MYO9B: variants seen among roughly 807,000 people sequenced by gnomAD.
MYO9B encodes the protein unconventional myosin-IXb.
A neutral mutation model predicts 229.5 loss-of-function variants in MYO9B; 71 were observed. The observed-to-expected ratio is 0.31, with a 90% CI of 0.26 to 0.38. The LOEUF (loss-of-function observed/expected upper bound fraction) is 0.38. MYO9B is among the 10% of genes least tolerant of loss of function. The probability of loss-of-function intolerance (pLI) is 1.00; values close to 1 mark genes in which losing one functional copy is unlikely to be tolerated. For synonymous variants in MYO9B, 1,185 were observed against 1,235.8 expected, an observed-to-expected ratio of 0.96 and a Z score of 0.86; for missense variants, 2,255 against 2,920.5, an observed-to-expected ratio of 0.77 and a Z score of 5.25.
chr19:17,203,023 C>A (rs1359992020), intron 29 of MYO9B, 124 bp from the exon 30 acceptor site: 1 of 1,369,616 alleles, frequency 7.3e-7, no homozygotes, highest in African/African-American at 1.4e-5. Flanking sequence ...GTTTTTCCCC[C>A]GGCATATACG....
At chr19:17,090,758 G>T (rs1011500164) in intron 1 of MYO9B, among the ~76,000 whole-genome samples, 2 of 152,118 alleles carry the variant, frequency 1.3e-5, no homozygotes, top group African/African-American at 2.4e-5. Context: ...AGACAATTCG[G>T]TTTAAGGAAG....
intron 2 of MYO9B, among the ~76,000 whole-genome samples, chr19:17,132,879 C>T (rs531635778): frequency 1.4e-5 from 2 of 148,092 alleles, no homozygotes; most frequent in Non-Finnish European, 3.0e-5. Context: ...GACGGAGTCT[C>T]GCTCTGTCAC....
At chr19:17,098,379 A>G (rs971301208) in intron 1 of MYO9B, among the ~76,000 whole-genome samples, 2 of 151,282 alleles carry the variant, frequency 1.3e-5, no homozygotes, top group African/African-American at 2.4e-5. Context: ...AGATATTCCT[A>G]CTCCCCTAAT....
chr19:17,152,910 A>C, intron 4 of MYO9B: 1 of 575,734 alleles, frequency 1.7e-6, no homozygotes, highest in Non-Finnish European at 3.1e-6. Context: ...ATACCTCCCA[A>C]GCCACCTTTG....
chr19:17,098,072 C>A (rs1161494157), intron 1 of MYO9B, among the ~76,000 whole-genome samples: 1 of 144,280 alleles, frequency 6.9e-6, no homozygotes, highest in African/African-American at 2.6e-5. Context: ...TTTTTTTCTT[C>A]ACGATGGAGT....
chr19:17,189,502 A>T (rs1453723725), intron 19 of MYO9B, among the ~76,000 whole-genome samples: 1 of 151,798 alleles, frequency 6.6e-6, no homozygotes, highest in African/African-American at 2.4e-5. Context: ...GCGTGCTGGC[A>T]TGCAATGTAC....
intron 3 of MYO9B, among the ~76,000 whole-genome samples, chr19:17,151,291 A>G (rs2072474468): frequency 3.9e-5 from 1 of 25,334 alleles, no homozygotes. Context: ...AAAAAAAAAG[A>G]AAGAAAGAAA....
In MYO9B at chr19:17,153,165, G is replaced by GGTTTGTTT. The variant is rs71180367; in HGVS notation, c.998+472_998+479dup. Among the ~76,000 whole-genome samples, 74 of 149,086 alleles carry GGTTTGTTT rather than the reference G, an allele frequency of 5.0e-4. No homozygotes were observed. In the East Asian group the frequency reaches 6.1e-3, roughly 12 times the overall value. ...TTGGTTGGTTGGTTGGGGTTTTTTT[G>GGTTTGTTT]GTTTGTTTGTTTGTTTGTTTTTGTT... is the stretch of plus-strand genomic sequence containing the variant. On this transcript the variant is annotated intron_variant, in intron 4 of 39. Transcript: ENST00000682292.
chr19:17,115,350 G>C (rs1311170292), intron 2 of MYO9B, among the ~76,000 whole-genome samples: 1 of 151,928 alleles, frequency 6.6e-6, no homozygotes, highest in Admixed American at 6.6e-5. Context: ...GGCCCACAAA[G>C]CTGAAAATAT....
chr19:17,135,504 G>A (rs1203001250), intron 2 of MYO9B, among the ~76,000 whole-genome samples: 9 of 152,164 alleles, frequency 5.9e-5, no homozygotes, highest in South Asian at 4.1e-4. Context: ...GCGAGCCCCC[G>A]GCCAGCCCAG....
chr19:17,121,247 GT>G (rs2057961347), intron 2 of MYO9B, among the ~76,000 whole-genome samples: 1 of 152,006 alleles, frequency 6.6e-6, no homozygotes, highest in Non-Finnish European at 1.5e-5. Flanking sequence ...CTGGCCTGTT[GT>G]TTTTAACACA....
At chr19:17,173,111 C>T (rs2072744443) in intron 13 of MYO9B, 148 bp downstream of exon 13, 1 of 1,024,436 alleles carries the variant, frequency 9.8e-7, no homozygotes. Flanking sequence ...GTTCCTGTCA[C>T]CCTGAACAGA....
intron 2 of MYO9B, among the ~76,000 whole-genome samples, chr19:17,121,722 A>G (rs933202834): frequency 6.6e-6 from 1 of 152,200 alleles, no homozygotes; most frequent in African/African-American, 2.4e-5. Flanking sequence ...GCGGTGGCTC[A>G]CGCCGATAAT....
intron 2 of MYO9B, among the ~76,000 whole-genome samples, chr19:17,109,287 G>C (rs1017816867): frequency 6.6e-6 from 1 of 150,502 alleles, no homozygotes; most frequent in Non-Finnish European, 1.5e-5. Flanking sequence ...GAATGGTCTC[G>C]ATCTCCTGAC....
intron 2 of MYO9B, among the ~76,000 whole-genome samples, chr19:17,144,859 A>T (rs1314649707): frequency 1.3e-5 from 2 of 149,924 alleles, no homozygotes; most frequent in Non-Finnish European, 3.0e-5. Context: ...AATCCCAGCC[A>T]CTCGGGAGGC....
intron 3 of MYO9B, 79 bp from the exon 4 acceptor site, chr19:17,152,565 A>G (rs538238945): frequency 4.6e-4 from 480 of 1,045,404 alleles, no homozygotes; most frequent in South Asian, 1.3e-3. Context: ...TCCCATCTCA[A>G]AAAAAAAAAA....
chr19:17,080,999 A>G (rs1459949887), intron 1 of MYO9B, among the ~76,000 whole-genome samples: 1 of 152,116 alleles, frequency 6.6e-6, no homozygotes, highest in Non-Finnish European at 1.5e-5. Flanking sequence ...AGAAAAGGAC[A>G]AATTCAAATT....
At position 17,210,800 on chromosome 19, in the gene MYO9B, G is replaced by A. The variant is rs373618149; in HGVS notation, c.5882G>A (p.Arg1961Gln). The A allele has an allele frequency of 1.1e-5, 18 of 1,594,892 alleles. No homozygotes were observed. Among genetic ancestry groups the A allele is most frequent in the African/African-American group, 8.1e-5 (6 of 74,456 alleles). Residue 1961 changes from arginine (R) to glutamine (Q), a missense_variant, in exon 38 of 40, where the codon CGG becomes CAG. Physicochemically the swap from Arg to Gln is conservative, Grantham distance 43. Coordinates refer to ENST00000682292, the MANE Select transcript of MYO9B (RefSeq NM_004145.4). ...EEEAAGGDED[R>Q]EKEILIERIQ... ...GAGGCAGCCGGCGGCGATGAGGACCGGGAAAAGGAGATTCTCATTGAACGG... is the reference window on the plus strand; with the variant it reads ...GAGGCAGCCGGCGGCGATGAGGACCAGGAAAAGGAGATTCTCATTGAACGG...
chr19:17,145,356 C>G (rs759966915), intron 2 of MYO9B, 41 bp from the exon 3 acceptor site: 1 of 1,537,366 alleles, frequency 6.5e-7, no homozygotes, highest in African/African-American at 1.4e-5. Context: ...AAAAGAAATT[C>G]CACCCTCCTG....
Sources: allele counts gnomAD v4.1 joint callset (sites outside exome capture counted in the v4.1 genomes callset), GRCh38; gene constraint gnomAD v4.1.1; transcripts MANE v1.5; gene names NCBI Gene and HGNC (gene_info 2026-07-23, HGNC 2026-07-21).